Variants in CCDC7 observed in about 807,000 individuals in gnomAD.
CCDC7 encodes the protein coiled-coil domain-containing protein 7.
A neutral mutation model predicts 196.9 loss-of-function variants in CCDC7; 183 were observed. That is an observed-to-expected ratio of 0.93 (90% confidence interval 0.82 to 1.05). The LOEUF (loss-of-function observed/expected upper bound fraction) is 1.05. CCDC7 is among the 50% of genes least tolerant of loss of function. The pLI, the probability that CCDC7 is intolerant of heterozygous loss-of-function variation, is 0.00. For synonymous variants in CCDC7, 525 were observed against 484.6 expected (o/e 1.08, Z -1.10); for missense variants, 1,540 against 1,482.2 (o/e 1.04, Z -0.64).
chr10:32,447,909 C>T (rs2031829843), upstream of CCDC7, among the ~76,000 whole-genome samples: 1 of 151,904 alleles, frequency 6.6e-6, no homozygotes, highest in African/African-American at 2.4e-5. Context: ...CTCAAAAAAA[C>T]GAAAAATGTA....
intron 18 of CCDC7, among the ~76,000 whole-genome samples, chr10:32,595,328 A>G (rs377280442): frequency 2.6e-5 from 4 of 152,074 alleles, no homozygotes; most frequent in Non-Finnish European, 5.9e-5. Context: ...TTTCTAGTTT[A>G]TTTGCGTAGA....
At chr10:32,746,871 C>A (rs553521256) in intron 28 of CCDC7, among the ~76,000 whole-genome samples, 131 of 152,350 alleles carry the variant, frequency 8.6e-4, no homozygotes, top group African/African-American at 3.1e-3. Flanking sequence ...AGCTGGCATG[C>A]GCACACAAGG....
upstream of CCDC7, among the ~76,000 whole-genome samples, chr10:32,445,791 G>A (rs2030783091): frequency 1.3e-5 from 2 of 152,296 alleles, no homozygotes; most frequent in South Asian, 4.1e-4. Context: ...ACAATACACT[G>A]AAAAGAGCTT....
rs1311043805 is a variant in CCDC7 at position 32,474,041 on chromosome 10, A to ACTG, written c.796+18_796+19insCTG. The stretch of plus-strand genomic sequence containing the variant: ...AGAACCACGTAAGTTTCCACTCATT[A>ACTG]AAGCATTATTGTGATAATAACCTCT... On this transcript the variant is annotated intron_variant, in intron 8 of 41. Coordinates refer to ENST00000639629, the Ensembl canonical transcript of CCDC7. 1 of 1,609,246 alleles carries ACTG rather than the reference A, an allele frequency of 6.2e-7. No individual in the cohort carries two copies. Among genetic ancestry groups the ACTG allele is most frequent in the Admixed American group, 1.7e-5 (1 of 59,678 alleles).
rs915870512 is a variant in CCDC7, at chr10:32,821,476, G to T, written c.3182-3042G>T. 1.1e-4 allele frequency among the ~76,000 whole-genome samples: 16 copies of T among 152,222 alleles called. No individual in the cohort carries two copies. In the East Asian group the frequency reaches 1.4e-3, roughly 13 times the overall value. ...CCCATTACTGGGTATATACCCAAAG[G>T]ATTATAAAACATGCTGCTATAAATA... On this transcript the variant is annotated intron_variant, in intron 31 of 41. Transcript: ENST00000639629.
At chr10:32,710,182 A>G (rs1000548658) in intron 24 of CCDC7, among the ~76,000 whole-genome samples, 1 of 152,206 alleles carries the variant, frequency 6.6e-6, no homozygotes, top group Non-Finnish European at 1.5e-5. Flanking sequence ...TAGTTTACCA[A>G]GATTACCTCA....
chr10:32,628,513 C>G (rs1053818984), intron 18 of CCDC7, among the ~76,000 whole-genome samples: 1 of 151,800 alleles, frequency 6.6e-6, no homozygotes, highest in Non-Finnish European at 1.5e-5. Context: ...TATTTCTGCT[C>G]TAATCTTTAT....
chr10:32,773,737 T>C lies in CCDC7; in HGVS notation c.2906-5240T>C, dbSNP rs2079532191. Among the ~76,000 whole-genome samples the C allele has an allele frequency of 2.0e-5, 3 of 152,166 alleles. No individual in the cohort carries two copies. The South Asian group carries it at 6.2e-4, about 31-fold the overall frequency. On this transcript the variant is annotated intron_variant, in intron 28 of 41. Coordinates refer to ENST00000639629, the Ensembl canonical transcript of CCDC7. ...TTGGTGGTGTCATATTTTCCTGAGT[T>C]TTTACAAGTCTTGATTTTTATGTTG...
At chr10:32,599,041 G>C (rs993073017) in intron 18 of CCDC7, among the ~76,000 whole-genome samples, 1 of 152,040 alleles carries the variant, frequency 6.6e-6, no homozygotes, top group South Asian at 2.1e-4. Context: ...AGATCTGTCC[G>C]TTTCTCCCTT....
intron 28 of CCDC7, among the ~76,000 whole-genome samples, chr10:32,762,812 G>A (rs1182994194): frequency 1.3e-5 from 2 of 151,644 alleles, no homozygotes; most frequent in African/African-American, 4.8e-5. Flanking sequence ...ATACTCAAAC[G>A]CAAAATAATG....
chr10:32,826,960 A>T lies in CCDC7; in HGVS notation c.3268+2356A>T, dbSNP rs532068236. Among the ~76,000 whole-genome samples the T allele has an allele frequency of 3.5e-3, 527 of 152,370 alleles. 1 individual carries two copies. Among genetic ancestry groups the T allele is most frequent in the Non-Finnish European group, 4.9e-3 (331 of 68,034 alleles). On this transcript the variant is annotated intron_variant, in intron 32 of 41. Coordinates refer to ENST00000639629, the Ensembl canonical transcript of CCDC7. ...GACTTGAAAGAAGCATGATTGAAAAATTGGTGACAAAGACATTTGGGGAAG... is the reference window on the plus strand; with the variant it reads ...GACTTGAAAGAAGCATGATTGAAAATTTGGTGACAAAGACATTTGGGGAAG...
At chr10:32,794,774 T>C (rs1185351588) in intron 29 of CCDC7, among the ~76,000 whole-genome samples, 1 of 152,232 alleles carries the variant, frequency 6.6e-6, no homozygotes, top group East Asian at 1.9e-4. Flanking sequence ...AATGGGGTTA[T>C]TTGCTTTTGC....
chr10:32,499,547 G>A (rs1016028913), intron 9 of CCDC7, among the ~76,000 whole-genome samples: 2 of 151,608 alleles, frequency 1.3e-5, no homozygotes, highest in African/African-American at 2.4e-5. Context: ...AGAGGGTGAC[G>A]GGAGAAAGGG....
chr10:32,818,636 G>T (rs1020842118), intron 31 of CCDC7, among the ~76,000 whole-genome samples: 2 of 152,174 alleles, frequency 1.3e-5, no homozygotes, highest in African/African-American at 4.8e-5. Flanking sequence ...ATAACAAACT[G>T]TCTCTCAGAC....
chr10:32,638,240 T>A (rs1471321836), intron 20 of CCDC7, among the ~76,000 whole-genome samples: 1 of 152,198 alleles, frequency 6.6e-6, no homozygotes, highest in Admixed American at 6.5e-5. Context: ...CCTGCCTGAT[T>A]GCCCTGGCCA....
At position 32,485,368 on chromosome 10, in the gene CCDC7, A is replaced by G. The variant is rs189556827; in HGVS notation, c.797-6554A>G. 7.9e-3 allele frequency among the ~76,000 whole-genome samples: 1,207 copies of G among 152,198 alleles called. 15 individuals carry two copies. Among genetic ancestry groups the G allele is most frequent in the Non-Finnish European group, 0.013 (879 of 67,994 alleles). ...CCCTTTATCATTTTTTATTGCGTCTATTTGATTCTTCTCTCTTTTCTTCTT... is the reference window on the plus strand; with the variant it reads ...CCCTTTATCATTTTTTATTGCGTCTGTTTGATTCTTCTCTCTTTTCTTCTT... On this transcript the variant is annotated intron_variant, in intron 8 of 41. Coordinates refer to ENST00000639629, the Ensembl canonical transcript of CCDC7.
At chr10:32,797,181 G>A (rs922810606) in intron 29 of CCDC7, among the ~76,000 whole-genome samples, 4 of 149,910 alleles carry the variant, frequency 2.7e-5, no homozygotes, top group Admixed American at 6.7e-5. Flanking sequence ...GTGTGTGTGT[G>A]TATATATATA....
At chr10:32,672,686 C>T (rs2074270477) in intron 21 of CCDC7, among the ~76,000 whole-genome samples, 4 of 152,146 alleles carry the variant, frequency 2.6e-5, no homozygotes, top group Admixed American at 2.6e-4. Flanking sequence ...GTGGTTCCAG[C>T]AGCATGGCTG....
Position 32,779,064 on chromosome 10 carries a change from T to A in CCDC7, c.2993T>A (p.Phe998Tyr). 3 of 1,549,216 alleles carry A rather than the reference T, an allele frequency of 1.9e-6. No individual in the cohort carries two copies. The South Asian group carries it at 3.6e-5, about 18-fold the overall frequency. The change falls in exon 29 of 42, where the codon TTT (phenylalanine) becomes TAT (tyrosine). Residue 998 changes from phenylalanine to tyrosine, a missense_variant. Coordinates refer to ENST00000639629, the Ensembl canonical transcript of CCDC7. ...TCAATTAGCGACCTAATAATTCAAT[T>A]TGATTTAAACAAAGTGGTCGGTAAG...
Sources: allele counts gnomAD v4.1 joint callset (sites outside exome capture counted in the v4.1 genomes callset), GRCh38; gene constraint gnomAD v4.1.1; transcripts MANE v1.5; gene names NCBI Gene and HGNC (gene_info 2026-07-23, HGNC 2026-07-21).